Variants in SYNE1 observed in about 807,000 individuals in gnomAD.
SYNE1 encodes the protein nesprin-1.
In SYNE1, 616 loss-of-function variants were observed where a neutral mutation model predicts 1,111.0. The ratio of observed to expected loss-of-function variants is 0.55; its 90% confidence interval spans 0.52 to 0.59. SYNE1 has a LOEUF of 0.59. Ranked by LOEUF, SYNE1 falls within the 20% of genes least tolerant of loss-of-function variation. The pLI, the probability that SYNE1 is intolerant of heterozygous loss-of-function variation, is 0.00. For synonymous variants in SYNE1, 3,855 were observed against 3,825.8 expected, an observed-to-expected ratio of 1.01 and a Z score of -0.28; for missense variants, 10,006 against 10,417.0, an observed-to-expected ratio of 0.96 and a Z score of 1.72.
intron 11 of SYNE1, among the ~76,000 whole-genome samples, chr6:152,491,768 T>C (rs190088267): frequency 6.6e-6 from 1 of 152,206 alleles, no homozygotes; most frequent in East Asian, 1.9e-4. Flanking sequence ...CTCCTGTCTG[T>C]TCCTTCAGTC....
In SYNE1 at chr6:152,433,965, G is replaced by A; in HGVS notation, c.4311-20C>T. 5 of 1,596,752 alleles carry A rather than the reference G, an allele frequency of 3.1e-6. No homozygotes were observed. Among genetic ancestry groups the A allele is most frequent in the Non-Finnish European group, 4.3e-6 (5 of 1,167,976 alleles). On this transcript the variant is annotated intron_variant, in intron 33 of 145. Transcript: ENST00000367255. ...TTAATACTAAAATTAACCAAATTAA[G>A]TAAATAAAACTCAGTATTTTAATAG... is the stretch of plus-strand genomic sequence containing the variant.
chr6:152,562,179 C>G (rs2099397175), intron 3 of SYNE1, among the ~76,000 whole-genome samples: 1 of 152,016 alleles, frequency 6.6e-6, no homozygotes. Context: ...GATTAATATG[C>G]AAAATATGTT....
At chr6:152,455,339 A>C in intron 24 of SYNE1, 87 bp downstream of exon 24, 2 of 1,425,796 alleles carry the variant, frequency 1.4e-6, no homozygotes, top group Non-Finnish European at 1.9e-6. Context: ...CTCCTTCTGT[A>C]TCAGATCAGC....
At chr6:152,436,134 C>T (rs746070413) in intron 32 of SYNE1, 33 bp from the exon 33 acceptor site, 4 of 1,609,118 alleles carry the variant, frequency 2.5e-6, no homozygotes, top group Admixed American at 1.7e-5. Flanking sequence ...TAGGTAGGCA[C>T]TTTATATTAT....
intron 128 of SYNE1, among the ~76,000 whole-genome samples, chr6:152,182,234 G>C (rs2068299061): frequency 6.6e-6 from 1 of 152,092 alleles, no homozygotes; most frequent in Non-Finnish European, 1.5e-5. Flanking sequence ...ATACTCTTGT[G>C]TTCATAGTGC....
At chr6:152,293,107 A>C (rs1401098468) in intron 95 of SYNE1, among the ~76,000 whole-genome samples, 2 of 152,354 alleles carry the variant, frequency 1.3e-5, no homozygotes, top group East Asian at 3.9e-4. Flanking sequence ...AGTCAGGGAC[A>C]ATCACAAGAT....
chr6:152,523,466 A>G (rs549789016), intron 5 of SYNE1, among the ~76,000 whole-genome samples: 1 of 152,272 alleles, frequency 6.6e-6, no homozygotes, highest in African/African-American at 2.4e-5. Flanking sequence ...GCCTTGTAGT[A>G]TAATTCAAAG....
chr6:152,575,572 C>T (rs2064742443), intron 3 of SYNE1, among the ~76,000 whole-genome samples: 2 of 152,218 alleles, frequency 1.3e-5, no homozygotes. Flanking sequence ...TTGCATTTCA[C>T]TACAGTTCAG....
chr6:152,328,984 C>A (rs1487378419), intron 78 of SYNE1, among the ~76,000 whole-genome samples: 2 of 152,206 alleles, frequency 1.3e-5, no homozygotes, highest in African/African-American at 4.8e-5. Flanking sequence ...GTCTGCCTCT[C>A]TCCATTTAGA....
intron 6 of SYNE1, among the ~76,000 whole-genome samples, chr6:152,517,011 T>C (rs935817991): frequency 1.3e-5 from 2 of 152,246 alleles, no homozygotes; most frequent in African/African-American, 4.8e-5. Context: ...CTGGAAACAC[T>C]GCCTGATATT....
intron 3 of SYNE1, among the ~76,000 whole-genome samples, chr6:152,555,160 T>A (rs887542337): frequency 3.9e-5 from 6 of 152,254 alleles, no homozygotes; most frequent in African/African-American, 1.4e-4. Context: ...TATTTTTTGT[T>A]ACAATTATTA....
chr6:152,342,350 A>G (rs1017477996), intron 74 of SYNE1, among the ~76,000 whole-genome samples: 12 of 152,262 alleles, frequency 7.9e-5, no homozygotes, highest in Non-Finnish European at 1.2e-4. Flanking sequence ...AACAGCCACA[A>G]GACAAGGTGG....
intron 62 of SYNE1, chr6:152,366,911 T>C: frequency 2.0e-6 from 1 of 511,532 alleles, no homozygotes; most frequent in Non-Finnish European, 3.7e-6. Flanking sequence ...TATAAAATGT[T>C]TCCTCAAAAT....
intron 45 of SYNE1, 96 bp from the exon 46 acceptor site, chr6:152,404,410 C>T: frequency 4.3e-6 from 4 of 931,092 alleles, no homozygotes; most frequent in Non-Finnish European, 7.0e-6. Flanking sequence ...TCGAAATACC[C>T]CAACTTTAAG....
At chr6:152,220,462 T>C (rs1003859841) in intron 119 of SYNE1, among the ~76,000 whole-genome samples, 5 of 151,524 alleles carry the variant, frequency 3.3e-5, no homozygotes, top group African/African-American at 9.7e-5. Flanking sequence ...GATGCTTACA[T>C]AGGAGTTAAT....
intron 128 of SYNE1, among the ~76,000 whole-genome samples, 193 bp downstream of exon 128, chr6:152,189,059 T>C (rs2071417332): frequency 7.2e-6 from 1 of 138,234 alleles, no homozygotes; most frequent in South Asian, 2.3e-4. Context: ...AGAATCCAGT[T>C]TAGGTTTTTC....
intron 77 of SYNE1, among the ~76,000 whole-genome samples, chr6:152,332,758 A>G (rs1404616706): frequency 6.6e-6 from 1 of 152,214 alleles, no homozygotes; most frequent in Non-Finnish European, 1.5e-5. Flanking sequence ...ATCTTTAGTA[A>G]TAAGTGTGAA....
chr6:152,429,579 A>C (rs2098408877), intron 36 of SYNE1, among the ~76,000 whole-genome samples: 1 of 152,156 alleles, frequency 6.6e-6, no homozygotes, highest in Non-Finnish European at 1.5e-5. Context: ...TTTATTAATT[A>C]ATGTACGGTA....
rs1290575783 is a variant in SYNE1 at position 152,331,013 on chromosome 6, C to T, written c.13672G>A (p.Glu4558Lys). 1.9e-6 allele frequency: 3 copies of T among 1,614,078 alleles called. No homozygotes were observed. Among genetic ancestry groups the T allele is most frequent in the Non-Finnish European group, 2.5e-6 (3 of 1,180,048 alleles). Residue 4558 changes from glutamate (E) to lysine (K), a missense_variant, in exon 78 of 146, where the codon GAG becomes AAG. Around this residue, in one of 7 missense-constraint regions of SYNE1, gnomAD observed 4,955 missense variants for 5,017.2 expected, o/e 0.99. Coordinates refer to ENST00000367255, the MANE Select transcript of SYNE1 (RefSeq NM_182961.4). ...QKCSHRLQELEKNLVSRKHFK... is the reference protein window; with the variant it reads ...QKCSHRLQELKKNLVSRKHFK... Reference sequence around the variant, plus strand: ...TGCTTCCTAGAAACCAAATTCTTCTCTAGTTCTTGTAACCGGTGACTGCAC... The same window carrying T: ...TGCTTCCTAGAAACCAAATTCTTCTTTAGTTCTTGTAACCGGTGACTGCAC...
Sources: allele counts gnomAD v4.1 joint callset (sites outside exome capture counted in the v4.1 genomes callset), GRCh38; gene constraint gnomAD v4.1.1; regional missense constraint gnomAD v4.1.1; transcripts MANE v1.5; gene names NCBI Gene and HGNC (gene_info 2026-07-23, HGNC 2026-07-21).